The following RTL5 variants were observed in gnomAD, a reference collection of about 807,000 sequenced individuals.
The protein encoded by RTL5 is retrotransposon Gag like 5, also known as retrotransposon Gag-like protein 5.
Under a neutral mutation model 7.7 loss-of-function variants are expected in RTL5, and 8 were observed. The ratio of observed to expected loss-of-function variants is 1.04; its 90% CI spans 0.61 to 1.88. The LOEUF is 1.88. RTL5 is among the 40% of genes most tolerant of loss of function. The pLI, the probability that RTL5 is intolerant of heterozygous loss-of-function variation, is 0.00. For synonymous variants in RTL5, 188 were observed against 191.8 expected (o/e 0.98, Z 0.16); for missense variants, 457 against 472.7 (o/e 0.97, Z 0.31).
exon 1 of RTL5, chrX:72,130,596 C>T: frequency 8.3e-7 from 1 of 1,211,571 alleles, no homozygotes; most frequent in Non-Finnish European, 1.1e-6. Context: ...GCGGGATAGG[C>T]TTGGGAACGC....
At chrX:72,131,565 G>A in exon 1 of RTL5, 1 of 1,144,394 alleles carries the variant, frequency 8.7e-7, no homozygotes, top group Non-Finnish European at 1.2e-6. Flanking sequence ...GGGCCCTGGG[G>A]CTCCGTGGTG....
At chrX:72,130,606 C>T in exon 1 of RTL5, 4 of 1,211,586 alleles carry the variant, frequency 3.3e-6, no homozygotes, top group Non-Finnish European at 4.5e-6. Context: ...CTTGGGAACG[C>T]GCACTTTTCT....
At chrX:72,131,266 G>C in exon 1 of RTL5, 8 of 1,199,371 alleles carry the variant, frequency 6.7e-6, no homozygotes, top group Admixed American at 2.2e-5. Flanking sequence ...CTCCGCGCGT[G>C]GGGGAGGCCG....
chrX:72,129,602 G>A, exon 1 of RTL5: 1 of 418,371 alleles, frequency 2.4e-6, no homozygotes, highest in Non-Finnish European at 4.1e-6. Flanking sequence ...TACATGCCAA[G>A]AGGGCAGCTA....
chrX:72,129,818 C>G, exon 1 of RTL5: 1 of 1,180,199 alleles, frequency 8.5e-7, no homozygotes. Flanking sequence ...GGGTGGCCAT[C>G]TGGCCCCAGC....
chrX:72,129,072 G>A (rs975043802), exon 1 of RTL5: 4 of 113,059 alleles, frequency 3.5e-5, no homozygotes, highest in Non-Finnish European at 5.6e-5. Context: ...TGAGAGGAAA[G>A]GGCTCCAGAT....
chrX:72,131,002 T>G (rs2042289148), exon 1 of RTL5: 1 of 1,208,883 alleles, frequency 8.3e-7, no homozygotes, highest in African/African-American at 1.8e-5. Context: ...CCCGGGGAAA[T>G]GAACCTCATG....
chrX:72,129,850 C>G, exon 1 of RTL5: 3 of 1,195,263 alleles, frequency 2.5e-6, no homozygotes, highest in Non-Finnish European at 3.4e-6. Context: ...AATTCGGCCA[C>G]GAGCAGCTCG....
At position 72,129,605 on chromosome X, in the gene RTL5, G is replaced by A. The variant is rs921490773; in HGVS notation, c.*226C>T. 7.2e-6 allele frequency: 3 copies of A among 418,091 alleles called. No individual in the cohort carries two copies. The African/African-American group carries it at 7.5e-5, about 10-fold the overall frequency. The allele number at this position is 418,091 out of a possible 1,213,427, so 34.5% of individuals were successfully genotyped here. On this transcript the variant is annotated 3_prime_UTR_variant, in exon 1 of 1. Coordinates refer to ENST00000609883, the Ensembl canonical transcript of RTL5. ...GACTGAGCAGAGTACATGCCAAGAG[G>A]GCAGCTATTGCTGATCCCTCCTTTC...
At chrX:72,130,886 G>A (rs1451453037) in exon 1 of RTL5, 1 of 1,211,741 alleles carries the variant, frequency 8.3e-7, no homozygotes, top group Non-Finnish European at 1.1e-6. Context: ...TCCAGGAAGC[G>A]CGGGAAGTTG....
rs373380742 is a variant in RTL5, at chrX:72,130,550, G to C, written c.991C>G (p.Pro331Ala). 3 of 1,211,157 alleles carry C rather than the reference G, an allele frequency of 2.5e-6. No homozygotes were observed. In the Admixed American group the frequency reaches 6.5e-5, roughly 26 times the overall value. Residue 331 changes from proline (P) to alanine (A), a missense_variant, in exon 1 of 1, where the codon CCG becomes GCG. Pro to Ala is a conservative substitution (Grantham distance 27). Coordinates refer to ENST00000609883, the Ensembl canonical transcript of RTL5. ...TCACTTTCTTCCTCATTGGGACTCGGAGCAAAAGGGAAGATGATATTTCGA... is the reference window on the plus strand; with the variant it reads ...TCACTTTCTTCCTCATTGGGACTCGCAGCAAAAGGGAAGATGATATTTCGA...
exon 1 of RTL5, chrX:72,131,157 C>A (rs948745628): frequency 9.5e-7 from 1 of 1,057,659 alleles, no homozygotes; most frequent in Admixed American, 3.3e-5. Flanking sequence ...GCAGCGCCGG[C>A]GGGGGCGGGA....
chrX:72,130,073 C>G lies in RTL5; in HGVS notation c.1468G>C (p.Ala490Pro), dbSNP rs200189694. ...GGTGATGCACCCAGGAAGTTTTCGG[C>G]GTGGTAACCACTTGTGGGGCCAGAA... is the stretch of plus-strand genomic sequence containing the variant. Residue 490 changes from alanine (A) to proline (P), a missense_variant, in exon 1 of 1, where the codon GCC becomes CCC. Physicochemically the swap from Ala to Pro is conservative, Grantham distance 27. Transcript: ENST00000609883. 121 of 1,208,928 alleles carry G rather than the reference C, an allele frequency of 1.0e-4. No homozygotes were observed. In the Middle Eastern group the frequency reaches 1.1e-3, roughly 11 times the overall value.
chrX:72,131,340 C>T (rs771903531), exon 1 of RTL5: 19 of 1,202,101 alleles, frequency 1.6e-5, no homozygotes, highest in Non-Finnish European at 2.0e-5. Flanking sequence ...ACTCCAAGTT[C>T]TCCTCCGCAA....
chrX:72,129,158 G>T (rs908521461), exon 1 of RTL5: 1 of 113,152 alleles, frequency 8.8e-6, no homozygotes, highest in Non-Finnish European at 1.9e-5. Context: ...AGTGGAACCA[G>T]CCTGCACAGT....
At chrX:72,130,713 G>A in exon 1 of RTL5, 1 of 1,211,948 alleles carries the variant, frequency 8.3e-7, no homozygotes, top group Non-Finnish European at 1.1e-6. Flanking sequence ...GGCCTTTGAG[G>A]AATTGGTTTT....
At chrX:72,128,750 CTCTG>C (rs771806278) in exon 1 of RTL5, 2 of 113,022 alleles carry the variant, frequency 1.8e-5, no homozygotes, top group South Asian at 7.1e-4. Context: ...TGGGCCCTCT[CTCTG>C]TCTGTCCCAG....
Position 72,129,925 on chromosome X carries a change from C to A in RTL5, c.1616G>T (p.Gly539Val), listed in dbSNP as rs760495609. 4.6e-5 allele frequency: 56 copies of A among 1,209,216 alleles called. No homozygotes were observed. In the East Asian group the frequency reaches 1.6e-3, roughly 34 times the overall value. ...GGGGCGTCTTCGAACTTGGCGTTGTCCTAAACGACCTGTGCGGCGAATCAG... is the reference window on the plus strand; with the variant it reads ...GGGGCGTCTTCGAACTTGGCGTTGTACTAAACGACCTGTGCGGCGAATCAG... The change falls in exon 1 of 1, where the codon GGA (glycine) becomes GTA (valine). Residue 539 changes from glycine to valine, a missense_variant. Gly to Val is a moderately radical substitution (Grantham distance 109). Transcript: ENST00000609883.
chrX:72,131,495 C>A, exon 1 of RTL5: 1 of 1,202,174 alleles, frequency 8.3e-7, no homozygotes, highest in Non-Finnish European at 1.1e-6. Context: ...CGCAGGGCCA[C>A]ATTCGCCATG....
Sources: allele counts gnomAD v4.1 joint callset, GRCh38; gene constraint gnomAD v4.1.1; transcripts MANE v1.5; gene names NCBI Gene and HGNC (gene_info 2026-07-23, HGNC 2026-07-21).